SLC5A12: variants seen among roughly 807,000 people sequenced by gnomAD.
SLC5A12 encodes solute carrier family 5 member 12.
A neutral mutation model predicts 72.7 loss-of-function variants in SLC5A12; 46 were observed. The ratio of observed to expected loss-of-function variants is 0.63; its 90% CI spans 0.50 to 0.81. SLC5A12 has a LOEUF of 0.81. Among genes scored for constraint, SLC5A12 ranks in the 30% least tolerant of loss-of-function variants. The pLI is 0.00. For synonymous variants in SLC5A12, 275 were observed against 264.4 expected (o/e 1.04, Z -0.39); for missense variants, 683 against 740.7 (o/e 0.92, Z 0.90).
At chr11:26,700,244 GAA>G (rs1234062620) in intron 6 of SLC5A12, among the ~76,000 whole-genome samples, 1 of 152,156 alleles carries the variant, frequency 6.6e-6, no homozygotes, top group African/African-American at 2.4e-5. Context: ...TCAACTATGT[GAA>G]ATGAGAAACC....
intron 13 of SLC5A12, among the ~76,000 whole-genome samples, chr11:26,677,573 C>A (rs1169696054): frequency 2.0e-5 from 3 of 152,084 alleles, no homozygotes; most frequent in Admixed American, 6.6e-5. Context: ...AAAATCTAAA[C>A]AAAATGAATA....
chr11:26,676,895 T>C (rs1854279234), intron 13 of SLC5A12, among the ~76,000 whole-genome samples: 1 of 152,018 alleles, frequency 6.6e-6, no homozygotes, highest in South Asian at 2.1e-4. Context: ...GGAAGAAGTA[T>C]AATTGAAGAC....
At chr11:26,699,886 CA>C (rs1206357063) in intron 6 of SLC5A12, among the ~76,000 whole-genome samples, 3 of 151,932 alleles carry the variant, frequency 2.0e-5, no homozygotes, top group African/African-American at 7.3e-5. Flanking sequence ...CAGCATATAG[CA>C]AATATAAAAT....
At chr11:26,705,496 A>T (rs1184798653) in intron 4 of SLC5A12, among the ~76,000 whole-genome samples, 1 of 152,158 alleles carries the variant, frequency 6.6e-6, no homozygotes, top group African/African-American at 2.4e-5. Context: ...CTTCATCTTG[A>T]GATGAAAGAA....
intron 13 of SLC5A12, among the ~76,000 whole-genome samples, chr11:26,674,171 C>A (rs1362814819): frequency 6.6e-6 from 1 of 152,088 alleles, no homozygotes; most frequent in Non-Finnish European, 1.5e-5. Flanking sequence ...TTTTGCTCCT[C>A]CCAGAACTTA....
chr11:26,689,990 G>A (rs1361828325), intron 9 of SLC5A12, among the ~76,000 whole-genome samples: 1 of 152,098 alleles, frequency 6.6e-6, no homozygotes, highest in Non-Finnish European at 1.5e-5. Flanking sequence ...AGAGCAAAGG[G>A]GAGGAAGGAA....
At chr11:26,673,634 G>C (rs1285793221) in intron 13 of SLC5A12, 105 bp from the exon 14 acceptor site, 25 of 1,388,842 alleles carry the variant, frequency 1.8e-5, no homozygotes, top group Non-Finnish European at 2.4e-5. Context: ...TTTAGAATAA[G>C]AGTGAAAACA....
At chr11:26,722,344 G>C (rs1197062305), upstream of SLC5A12, among the ~76,000 whole-genome samples, 2 of 152,132 alleles carry the variant, frequency 1.3e-5, no homozygotes, top group East Asian at 3.9e-4. Flanking sequence ...TCAACCACGA[G>C]AAAGCCATGA....
Position 26,667,883 on chromosome 11 carries a change from T to C in SLC5A12, c.*3219A>G, listed in dbSNP as rs1295454400. On this transcript the variant is annotated 3_prime_UTR_variant, in exon 15 of 15. Coordinates refer to ENST00000396005, the MANE Select transcript of SLC5A12 (RefSeq NM_178498.4). ...TAACATATATTCTGATCCCACATCTTAAAAATCCTGAAGAGAAATAATGAA... is the reference window on the plus strand; with the variant it reads ...TAACATATATTCTGATCCCACATCTCAAAAATCCTGAAGAGAAATAATGAA... 6.6e-6 allele frequency: 1 copy of C among 152,116 alleles called. No homozygotes were observed. The highest frequency in any genetic ancestry group is 1.9e-4 in the East Asian group (1 of 5,172). 9.4% of individuals were successfully genotyped at this position (152,116 alleles called of 1,614,324 possible).
chr11:26,683,089 AGT>A (rs1253294153), intron 11 of SLC5A12, among the ~76,000 whole-genome samples: 1 of 152,196 alleles, frequency 6.6e-6, no homozygotes, highest in African/African-American at 2.4e-5. Context: ...CATGCATGTA[AGT>A]GTGCACATGG....
chr11:26,670,092 G>A lies in SLC5A12; in HGVS notation c.*1010C>T, dbSNP rs1030112392. On this transcript the variant is annotated 3_prime_UTR_variant, in exon 15 of 15. Coordinates refer to ENST00000396005, the MANE Select transcript of SLC5A12 (RefSeq NM_178498.4). Reference sequence around the variant, plus strand: ...ACATTATTTTCTAGACACGAACTATGAAGTTCTCCACTTCTGTTACCTAAC... The same window carrying A: ...ACATTATTTTCTAGACACGAACTATAAAGTTCTCCACTTCTGTTACCTAAC... 3.3e-5 allele frequency: 5 copies of A among 152,074 alleles called. No individual in the cohort carries two copies. The South Asian group carries it at 8.3e-4, about 25-fold the overall frequency. The allele number at this position is 152,074 out of a possible 1,614,324, so 9.4% of individuals were successfully genotyped here. A position where few individuals can be genotyped will look rare whatever the true frequency, so the allele number is the denominator to read the frequency against.
intron 1 of SLC5A12, among the ~76,000 whole-genome samples, chr11:26,713,845 C>A (rs538926370): frequency 1.3e-5 from 2 of 152,128 alleles, no homozygotes; most frequent in Non-Finnish European, 2.9e-5. Context: ...GGCTCCTACA[C>A]GAGGCTTTAA....
At chr11:26,688,159 A>G (rs2133161140) in intron 9 of SLC5A12, among the ~76,000 whole-genome samples, 1 of 152,338 alleles carries the variant, frequency 6.6e-6, no homozygotes, top group Admixed American at 6.5e-5. Flanking sequence ...GCAGCATGCT[A>G]GGCAGGAAGT....
intron 6 of SLC5A12, among the ~76,000 whole-genome samples, chr11:26,702,948 CAAGT>C (rs1854994012): frequency 6.6e-6 from 1 of 152,104 alleles, no homozygotes; most frequent in South Asian, 2.1e-4. Flanking sequence ...TCGGATAGAC[CAAGT>C]AAGACAACTG....
intron 14 of SLC5A12, among the ~76,000 whole-genome samples, chr11:26,672,814 T>C (rs1309813315): frequency 6.6e-6 from 1 of 152,150 alleles, no homozygotes; most frequent in Non-Finnish European, 1.5e-5. Flanking sequence ...TAAAGAGAGC[T>C]AGGGAGTTAG....
intron 6 of SLC5A12, among the ~76,000 whole-genome samples, chr11:26,699,872 G>A (rs186286229): frequency 6.6e-6 from 1 of 152,258 alleles, no homozygotes; most frequent in South Asian, 2.1e-4. Context: ...GCACTGAACA[G>A]TTCCAGCATA....
chr11:26,669,195 C>CTTTCTTTCTTTCTTTCTTTCTTTT lies in SLC5A12; in HGVS notation c.*1906_*1907insAAAAGAAAGAAAGAAAGAAAGAAA. 2 of 69,770 alleles carry CTTTCTTTCTTTCTTTCTTTCTTTT rather than the reference C, an allele frequency of 2.9e-5. No individual in the cohort carries two copies. The highest frequency in any genetic ancestry group is 7.9e-5 in the Non-Finnish European group (2 of 25,294). 4.3% of individuals were successfully genotyped at this position (69,770 alleles called of 1,614,324 possible). A position where few individuals can be genotyped will look rare whatever the true frequency, so the allele number is the denominator to read the frequency against. Reference sequence around the variant, plus strand: ...TCTTTCTTTCTTTCTTCTTTTCTTTCTTTCTTTCTTTCTTTCTTTCTTTCT... The same window carrying CTTTCTTTCTTTCTTTCTTTCTTTT: ...TCTTTCTTTCTTTCTTCTTTTCTTTCTTTCTTTCTTTCTTTCTTTCTTTTTTTCTTTCTTTCTTTCTTTCTTTCT... On this transcript the variant is annotated 3_prime_UTR_variant, in exon 15 of 15. Coordinates refer to ENST00000396005, the MANE Select transcript of SLC5A12 (RefSeq NM_178498.4).
intron 9 of SLC5A12, 56 bp from the exon 10 acceptor site, chr11:26,686,600 G>T: frequency 6.8e-7 from 1 of 1,462,872 alleles, no homozygotes; most frequent in Non-Finnish European, 9.6e-7. Flanking sequence ...GACTTCAAGG[G>T]ATGCCTTGAG....
intron 1 of SLC5A12, among the ~76,000 whole-genome samples, chr11:26,719,854 A>G (rs1238914998): frequency 1.3e-5 from 2 of 152,166 alleles, no homozygotes; most frequent in African/African-American, 4.8e-5. Flanking sequence ...AGGACAGCAT[A>G]GTTATTTAGC....
Sources: allele counts gnomAD v4.1 joint callset (sites outside exome capture counted in the v4.1 genomes callset), GRCh38; gene constraint gnomAD v4.1.1; transcripts MANE v1.5; gene names NCBI Gene and HGNC (gene_info 2026-07-23, HGNC 2026-07-21).